Variants in SCAPER observed in about 807,000 individuals in gnomAD.
SCAPER encodes S-phase cyclin A associated protein in the ER.
SCAPER carries 98 observed loss-of-function variants against 182.2 expected under a neutral mutation model. The observed-to-expected ratio is 0.54, with a 90% CI of 0.46 to 0.64. The LOEUF (loss-of-function observed/expected upper bound fraction) is 0.64, where lower values mean the gene tolerates loss of function less well. Ranked by LOEUF, SCAPER falls within the 30% of genes least tolerant of loss-of-function variation. SCAPER has a pLI of 0.00. For synonymous variants in SCAPER, 605 were observed against 564.6 expected (o/e 1.07, Z -1.01); for missense variants, 1,432 against 1,690.0 (o/e 0.85, Z 2.68).
chr15:76,498,120 G>A (rs1435037283), intron 24 of SCAPER, among the ~76,000 whole-genome samples: 1 of 151,584 alleles, frequency 6.6e-6, no homozygotes, highest in Non-Finnish European at 1.5e-5. Flanking sequence ...TATACCACCA[G>A]GGTGGCTGTT....
At chr15:76,489,185 T>C (rs1335320695) in intron 24 of SCAPER, among the ~76,000 whole-genome samples, 6 of 142,890 alleles carry the variant, frequency 4.2e-5, no homozygotes, top group Non-Finnish European at 9.2e-5. Flanking sequence ...TTATAAATCA[T>C]GCATGAGAGG....
intron 15 of SCAPER, among the ~76,000 whole-genome samples, chr15:76,740,592 TGTGA>T (rs2061491171): frequency 6.6e-6 from 1 of 152,082 alleles, no homozygotes; most frequent in African/African-American, 2.4e-5. Flanking sequence ...GGAGAGATAT[TGTGA>T]ATCATAAATA....
At chr15:76,435,891 C>T (rs2047168439) in intron 25 of SCAPER, among the ~76,000 whole-genome samples, 1 of 152,108 alleles carries the variant, frequency 6.6e-6, no homozygotes. Context: ...ACTCCAGAAA[C>T]TTAGAATCTT....
intron 15 of SCAPER, among the ~76,000 whole-genome samples, chr15:76,748,267 G>C (rs960845327): frequency 6.6e-6 from 1 of 152,102 alleles, no homozygotes; most frequent in African/African-American, 2.4e-5. Context: ...TGGGATTACA[G>C]GCGTGAGCCA....
At chr15:76,390,212 C>T (rs1596396291) in intron 27 of SCAPER, among the ~76,000 whole-genome samples, 1 of 152,300 alleles carries the variant, frequency 6.6e-6, no homozygotes, top group East Asian at 1.9e-4. Context: ...TACCTCACCT[C>T]TCAAAGTATT....
chr15:76,855,916 C>A, intron 4 of SCAPER: 1 of 405,184 alleles, frequency 2.5e-6, no homozygotes. Flanking sequence ...AATCCCATTA[C>A]TGGGTATATT....
intron 21 of SCAPER, among the ~76,000 whole-genome samples, chr15:76,649,736 GA>G (rs969808711): frequency 1.2e-4 from 18 of 145,518 alleles, no homozygotes; most frequent in Non-Finnish European, 1.5e-4. Context: ...AGAGATGAAA[GA>G]AAAAAAATGT....
intron 21 of SCAPER, among the ~76,000 whole-genome samples, chr15:76,641,373 TA>T (rs1167538013): frequency 6.6e-6 from 1 of 152,138 alleles, no homozygotes; most frequent in Non-Finnish European, 1.5e-5. Flanking sequence ...CAAATGACCC[TA>T]AATCCCTCAC....
At chr15:76,853,116 A>C (rs549356798) in intron 4 of SCAPER, among the ~76,000 whole-genome samples, 1 of 152,332 alleles carries the variant, frequency 6.6e-6, no homozygotes, top group East Asian at 1.9e-4. Context: ...CTCCCTCCCA[A>C]GACTGAACCA....
intron 15 of SCAPER, among the ~76,000 whole-genome samples, chr15:76,751,430 A>C (rs150517098): frequency 4.7e-4 from 72 of 151,856 alleles, no homozygotes; most frequent in African/African-American, 1.6e-3. Context: ...AACAATTTTG[A>C]AAAAGAACAA....
At chr15:76,810,554 CACA>C (rs1315217214) in intron 5 of SCAPER, among the ~76,000 whole-genome samples, 1 of 42,600 alleles carries the variant, frequency 2.3e-5, no homozygotes, top group African/African-American at 1.1e-4. Flanking sequence ...AAAAAAACCA[CACA>C]CACACACACA....
At chr15:76,705,266 GA>G (rs2059190607) in intron 18 of SCAPER, among the ~76,000 whole-genome samples, 1 of 151,850 alleles carries the variant, frequency 6.6e-6, no homozygotes, top group Non-Finnish European at 1.5e-5. Context: ...GGTGAAATTG[GA>G]AATCATCATT....
chr15:76,880,943 G>T (rs2073493862), intron 2 of SCAPER, among the ~76,000 whole-genome samples: 1 of 152,142 alleles, frequency 6.6e-6, no homozygotes, highest in Admixed American at 6.5e-5. Context: ...GAACCCTTGT[G>T]CACTGTTGGT....
intron 5 of SCAPER, among the ~76,000 whole-genome samples, chr15:76,813,382 T>C (rs940906325): frequency 1.3e-5 from 2 of 151,180 alleles, no homozygotes; most frequent in Non-Finnish European, 2.9e-5. Context: ...TCATCTAAGA[T>C]CTAGTACCAG....
At chr15:76,516,135 G>A (rs184518322) in intron 23 of SCAPER, among the ~76,000 whole-genome samples, 4 of 150,620 alleles carry the variant, frequency 2.7e-5, no homozygotes, top group African/African-American at 4.9e-5. Context: ...TTTTTTTTGC[G>A]TTATTCTTAG....
At chr15:76,399,449 TGA>T (rs917466601) in intron 27 of SCAPER, among the ~76,000 whole-genome samples, 4 of 152,348 alleles carry the variant, frequency 2.6e-5, no homozygotes, top group Middle Eastern at 3.4e-3. Flanking sequence ...TAGGCATTTC[TGA>T]GAGTCCCATT....
intron 23 of SCAPER, among the ~76,000 whole-genome samples, chr15:76,564,176 C>G (rs1378106750): frequency 6.6e-6 from 1 of 151,882 alleles, no homozygotes; most frequent in African/African-American, 2.4e-5. Context: ...GGCAATCAGG[C>G]AAGAGAAAAA....
chr15:76,821,874 T>C (rs1309073198), intron 5 of SCAPER, among the ~76,000 whole-genome samples: 1 of 151,290 alleles, frequency 6.6e-6, no homozygotes, highest in African/African-American at 2.4e-5. Context: ...TAAGACCTCA[T>C]CTCTAAAAAA....
chr15:76,513,707 G>A (rs938736930), intron 23 of SCAPER, among the ~76,000 whole-genome samples: 1 of 152,078 alleles, frequency 6.6e-6, no homozygotes, highest in African/African-American at 2.4e-5. Context: ...AAGACTGGAT[G>A]CTCTTCAGAT....
Sources: allele counts gnomAD v4.1 joint callset (sites outside exome capture counted in the v4.1 genomes callset), GRCh38; gene constraint gnomAD v4.1.1; transcripts MANE v1.5; gene names NCBI Gene and HGNC (gene_info 2026-07-23, HGNC 2026-07-21).